Variants in DEPDC4 observed in about 807,000 individuals in gnomAD.
The protein encoded by DEPDC4 is DEP domain-containing protein 4.
Under a neutral mutation model 52.0 loss-of-function variants are expected in DEPDC4, and 52 were observed. That is an observed-to-expected ratio of 1.00 (90% CI 0.80 to 1.26). The LOEUF (loss-of-function observed/expected upper bound fraction) is 1.26. DEPDC4 is among the 50% of genes most tolerant of loss of function. The probability of loss-of-function intolerance (pLI) is 0.00; values close to 1 mark genes in which losing one functional copy is unlikely to be tolerated. For synonymous variants in DEPDC4, 201 were observed against 196.8 expected (o/e 1.02, Z -0.18); for missense variants, 530 against 546.9 (o/e 0.97, Z 0.31).
At chr12:100,259,079 A>ATATATATATATATATATATAT (rs1407814890) in intron 3 of DEPDC4, among the ~76,000 whole-genome samples, 1 of 139,584 alleles carries the variant, frequency 7.2e-6, no homozygotes, top group African/African-American at 2.9e-5. Context: ...TCAAAAAAAA[A>ATATATATATATATATATATAT]AAATATATAT....
At chr12:100,245,342 A>G (rs571980482) in intron 8 of DEPDC4, among the ~76,000 whole-genome samples, 6 of 149,944 alleles carry the variant, frequency 4.0e-5, no homozygotes, top group South Asian at 4.3e-4. Flanking sequence ...TCTCGGCTCA[A>G]TGCAACCCCC....
rs1356324464 is a variant in DEPDC4 at position 100,263,631 on chromosome 12, C to T, written c.420G>A (p.Lys140=). 1.2e-6 allele frequency: 2 copies of T among 1,613,734 alleles called. No individual in the cohort carries two copies. The highest frequency in any genetic ancestry group is 1.1e-5 in the South Asian group (1 of 91,018). The change falls in exon 2 of 10, where the codon AAG becomes AAA. Residue 140 remains lysine (K), a synonymous_variant. Coordinates refer to ENST00000550587, the MANE Select transcript of DEPDC4 (RefSeq NM_001364818.2). ...CTAATTCCTTTTCTTTTTTGAAAAG[C>T]TTCTTCATTCCTACTGGTTCAAATA... The part of the protein sequence containing the change: ...HKVFEPVGMK[K]LFKKEKELEF...
the DEPDC4 span, among the ~76,000 whole-genome samples, chr12:100,276,099 T>C: frequency 1.3e-5 from 2 of 152,226 alleles, no homozygotes; most frequent in African/African-American, 4.8e-5. Context: ...TGGTTTGCAA[T>C]TTTATTGCCA....
In DEPDC4 at chr12:100,256,101, TAAC is replaced by T. The variant is rs751858243; in HGVS notation, c.823_825del (p.Val275del). On this transcript the variant is annotated inframe_deletion, in exon 4 of 10. Transcript: ENST00000550587. Reference sequence around the variant, plus strand: ...TCTCTGTCTAGGCAAGTGTTAGTGATAACAAGATCTTCCTCTTTGTTTAGTTGA... The same window carrying T: ...TCTCTGTCTAGGCAAGTGTTAGTGATAAGATCTTCCTCTTTGTTTAGTTGA... 1 of 1,613,348 alleles carries T rather than the reference TAAC, an allele frequency of 6.2e-7. No individual in the cohort carries two copies. Among genetic ancestry groups the T allele is most frequent in the South Asian group, 1.1e-5 (1 of 91,046 alleles).
At chr12:100,238,036 G>T, downstream of DEPDC4, 1 of 981,040 alleles carries the variant, frequency 1.0e-6, no homozygotes, top group Non-Finnish European at 1.2e-6. Flanking sequence ...AGGGCTTGGT[G>T]GCATGTTTCC....
At chr12:100,249,428 C>G (rs956579286) in intron 7 of DEPDC4, among the ~76,000 whole-genome samples, 2 of 152,094 alleles carry the variant, frequency 1.3e-5, no homozygotes, top group African/African-American at 4.8e-5. Context: ...GTGGGAAGAT[C>G]GCTTGAGTCC....
At chr12:100,251,931 C>A (rs911075443) in intron 7 of DEPDC4, among the ~76,000 whole-genome samples, 49 of 152,180 alleles carry the variant, frequency 3.2e-4, no homozygotes, top group African/African-American at 1.2e-3. Context: ...AACTCCTAGG[C>A]TCTAGTGATC....
chr12:100,252,628 T>C (rs1203672123), intron 5 of DEPDC4, 92 bp from the exon 6 acceptor site: 1 of 1,274,642 alleles, frequency 7.8e-7, no homozygotes, highest in East Asian at 2.5e-5. Flanking sequence ...AATGCTACAA[T>C]GTTGTATTAG....
rs780882153 is a variant in DEPDC4 at position 100,263,915 on chromosome 12, T to C, written c.158-22A>G. On this transcript the variant is annotated intron_variant, in intron 1 of 9. Coordinates refer to ENST00000550587, the MANE Select transcript of DEPDC4 (RefSeq NM_001364818.2). ...CATCCTGAAAAAAATTAAATATGCATTTCTAACAAATCTAGATTATACAAA... is the reference window on the plus strand; with the variant it reads ...CATCCTGAAAAAAATTAAATATGCACTTCTAACAAATCTAGATTATACAAA... 2.5e-6 allele frequency: 4 copies of C among 1,578,318 alleles called. No individual in the cohort carries two copies. The Admixed American group carries it at 7.6e-5, about 30-fold the overall frequency.
chr12:100,277,645 T>A, the DEPDC4 span, among the ~76,000 whole-genome samples: 2 of 152,340 alleles, frequency 1.3e-5, no homozygotes, highest in East Asian at 3.9e-4. Flanking sequence ...CTTGCTTTTT[T>A]ATCCAATTTG....
At chr12:100,270,042 C>T (rs7350571), upstream of DEPDC4, among the ~76,000 whole-genome samples, 3 of 150,648 alleles carry the variant, frequency 2.0e-5, no homozygotes, top group East Asian at 2.0e-4. Context: ...GCTGGAGTGC[C>T]GTGGCGCGAT....
chr12:100,251,032 A>G (rs1056427920), intron 7 of DEPDC4, among the ~76,000 whole-genome samples: 16 of 151,968 alleles, frequency 1.1e-4, no homozygotes, highest in Non-Finnish European at 1.9e-4. Context: ...TAAATAATGG[A>G]AAAAAAAGTT....
Position 100,241,666 on chromosome 12 carries a change from A to T in DEPDC4, c.*226T>A, listed in dbSNP as rs1288701254. Reference sequence around the variant, plus strand: ...ACAAATTGTAGTTTCTTGTATCAGAAATGTTAATTCAAAGCTTCTGGATGG... The same window carrying T: ...ACAAATTGTAGTTTCTTGTATCAGATATGTTAATTCAAAGCTTCTGGATGG... On this transcript the variant is annotated 3_prime_UTR_variant, in exon 10 of 10. Transcript: ENST00000550587. 8.3e-7 allele frequency: 1 copy of T among 1,207,464 alleles called. No individual in the cohort carries two copies. Among genetic ancestry groups the T allele is most frequent in the Non-Finnish European group, 1.1e-6 (1 of 951,580 alleles). The allele number at this position is 1,207,464 out of a possible 1,614,324, so 74.8% of individuals were successfully genotyped here.
At chr12:100,249,236 C>T (rs915166876) in intron 7 of DEPDC4, among the ~76,000 whole-genome samples, 4 of 152,120 alleles carry the variant, frequency 2.6e-5, no homozygotes, top group Non-Finnish European at 5.9e-5. Flanking sequence ...GTGAAATGTT[C>T]TCCTATAACA....
At chr12:100,252,676 T>C (rs776573779) in intron 5 of DEPDC4, 140 bp from the exon 6 acceptor site, 7 of 748,434 alleles carry the variant, frequency 9.4e-6, no homozygotes, top group South Asian at 7.9e-5. Flanking sequence ...TTTTTTATTA[T>C]GGAATATTTC....
chr12:100,281,304 C>T, the DEPDC4 span, among the ~76,000 whole-genome samples: 2,564 of 152,234 alleles, frequency 0.017, 72 homozygotes, highest in African/African-American at 0.058. Context: ...GCTGGGATTA[C>T]AAGCCTGAAT....
chr12:100,253,007 C>T (rs2096214966), intron 5 of DEPDC4, among the ~76,000 whole-genome samples: 1 of 152,204 alleles, frequency 6.6e-6, no homozygotes, highest in African/African-American at 2.4e-5. Context: ...AGCTCCGCCT[C>T]CCGAGTCCAC....
chr12:100,254,644 T>G (rs1322778801), intron 4 of DEPDC4, among the ~76,000 whole-genome samples: 1 of 152,070 alleles, frequency 6.6e-6, no homozygotes, highest in Non-Finnish European at 1.5e-5. Flanking sequence ...TTCAAAATCC[T>G]CAAGTATCTT....
At chr12:100,236,746 A>T (rs1204125413), downstream of DEPDC4, among the ~76,000 whole-genome samples, 1 of 152,140 alleles carries the variant, frequency 6.6e-6, no homozygotes, top group East Asian at 1.9e-4. Context: ...TTGGTCATGA[A>T]ATCTTTGCAT....
Sources: allele counts gnomAD v4.1 joint callset (sites outside exome capture counted in the v4.1 genomes callset), GRCh38; gene constraint gnomAD v4.1.1; transcripts MANE v1.5; gene names NCBI Gene and HGNC (gene_info 2026-07-23, HGNC 2026-07-21).